The following CACNA1E variants were observed in gnomAD, a reference collection of about 807,000 sequenced individuals.
CACNA1E encodes voltage-dependent R-type calcium channel subunit alpha-1E.
In CACNA1E, 40 loss-of-function variants were observed where a neutral mutation model predicts 259.2. The ratio of observed to expected loss-of-function variants is 0.15; its 90% CI spans 0.12 to 0.20. The LOEUF is 0.20. Ranked by LOEUF, CACNA1E falls within the 10% of genes least tolerant of loss-of-function variation. The pLI is 1.00. For missense variants in CACNA1E, 1,874 were observed against 3,040.1 expected, an observed-to-expected ratio of 0.62 and a Z score of 9.02; for synonymous variants, 1,104 against 1,138.5, an observed-to-expected ratio of 0.97 and a Z score of 0.61.
intron 26 of CACNA1E, among the ~76,000 whole-genome samples, chr1:181,750,757 A>G (rs1657522156): frequency 1.3e-5 from 2 of 152,238 alleles, no homozygotes; most frequent in South Asian, 4.1e-4. Context: ...AAAACATGCC[A>G]AAGTCTCTGG....
chr1:181,343,693 G>T (rs972898729), intron 1 of CACNA1E, among the ~76,000 whole-genome samples: 2 of 152,204 alleles, frequency 1.3e-5, no homozygotes, highest in African/African-American at 4.8e-5. Context: ...TCAAGGAGGC[G>T]ACAGCTTTCT....
At chr1:181,767,600 G>A (rs1659135776) in intron 35 of CACNA1E, among the ~76,000 whole-genome samples, 1 of 152,192 alleles carries the variant, frequency 6.6e-6, no homozygotes. Flanking sequence ...GACCCTTTCT[G>A]AAATGTCTCT....
At chr1:181,462,092 T>A (rs1489337328) in intron 2 of CACNA1E, among the ~76,000 whole-genome samples, 1 of 152,226 alleles carries the variant, frequency 6.6e-6, no homozygotes, top group African/African-American at 2.4e-5. Context: ...CCATGTGATT[T>A]TGAATAATTG....
intron 7 of CACNA1E, among the ~76,000 whole-genome samples, chr1:181,679,736 G>A (rs1467157779): frequency 1.3e-5 from 2 of 152,120 alleles, no homozygotes; most frequent in Non-Finnish European, 2.9e-5. Flanking sequence ...CTGGACAGTG[G>A]CCTGGGAACA....
intron 6 of CACNA1E, among the ~76,000 whole-genome samples, chr1:181,634,561 A>C (rs1408301987): frequency 6.6e-6 from 1 of 152,178 alleles, no homozygotes; most frequent in East Asian, 1.9e-4. Flanking sequence ...GCTTTTACTA[A>C]GTTATTTCCA....
intron 1 of CACNA1E, among the ~76,000 whole-genome samples, chr1:181,406,559 T>A (rs1657479621): frequency 6.6e-6 from 1 of 151,948 alleles, no homozygotes; most frequent in Admixed American, 6.6e-5. Context: ...GCATGCCCGG[T>A]TAATTTTTTT....
In CACNA1E at chr1:181,484,010, C is replaced by T; in HGVS notation, c.266C>T (p.Pro89Leu). Residue 89 changes from proline (P) to leucine (L), a missense_variant and splice_region_variant, in exon 1 of 48, where the codon CCG becomes CTG. Physicochemically the swap from Pro to Leu is moderately conservative, Grantham distance 98. Coordinates refer to ENST00000367573, the MANE Select transcript of CACNA1E (RefSeq NM_001205293.3). ...TATGCCAAGAAGCTCATCGATTGGCCATATCCTTTCTTGCCCACCATAACT... is the reference window on the plus strand; with the variant it reads ...TATGCCAAGAAGCTCATCGATTGGCTATATCCTTTCTTGCCCACCATAACT... Reference protein sequence around the residue: ...RKYAKKLIDWPPFEYMILATI... With the variant: ...RKYAKKLIDWLPFEYMILATI... The T allele has an allele frequency of 6.2e-7, 1 of 1,612,758 alleles. No individual in the cohort carries two copies. Among genetic ancestry groups the T allele is most frequent in the South Asian group, 1.1e-5 (1 of 91,032 alleles).
intron 38 of CACNA1E, among the ~76,000 whole-genome samples, chr1:181,779,772 C>T (rs1039581574): frequency 1.1e-4 from 17 of 151,110 alleles, no homozygotes; most frequent in Non-Finnish European, 2.5e-4. Context: ...CCAGTGTGAT[C>T]GCTCTCTTCA....
At chr1:181,616,423 T>G (rs1422585470) in intron 6 of CACNA1E, among the ~76,000 whole-genome samples, 7 of 152,142 alleles carry the variant, frequency 4.6e-5, no homozygotes, top group African/African-American at 1.7e-4. Flanking sequence ...TTTACCATGT[T>G]GAAAGAATAG....
At chr1:181,596,886 G>A (rs1452438163) in intron 6 of CACNA1E, among the ~76,000 whole-genome samples, 3 of 152,046 alleles carry the variant, frequency 2.0e-5, no homozygotes, top group Non-Finnish European at 4.4e-5. Flanking sequence ...CTTTGCACAG[G>A]GCTGGTTTTG....
At chr1:181,621,740 AC>A (rs1470857531) in intron 6 of CACNA1E, among the ~76,000 whole-genome samples, 1 of 152,150 alleles carries the variant, frequency 6.6e-6, no homozygotes, top group Non-Finnish European at 1.5e-5. Flanking sequence ...TTTTACTACA[AC>A]CCTATGAAAT....
chr1:181,718,442 A>T (rs1241251491), intron 12 of CACNA1E, among the ~76,000 whole-genome samples: 1 of 152,138 alleles, frequency 6.6e-6, no homozygotes, highest in Admixed American at 6.5e-5. Context: ...GTGAGAGTTT[A>T]CAAAGCTACC....
intron 6 of CACNA1E, among the ~76,000 whole-genome samples, chr1:181,649,613 T>C (rs1018906468): frequency 3.3e-5 from 5 of 152,130 alleles, no homozygotes; most frequent in Non-Finnish European, 7.3e-5. Flanking sequence ...TAAATGCCCA[T>C]CAATGACAGA....
chr1:181,758,000 G>A lies in CACNA1E; in HGVS notation c.4383G>A (p.Pro1461=), dbSNP rs761748918. 8.7e-6 allele frequency: 14 copies of A among 1,613,856 alleles called. No individual in the cohort carries two copies. The highest frequency in any genetic ancestry group is 2.2e-5 in the East Asian group (1 of 44,880). ...ISAKPLTRYM[P]QNRHTFQYRV... Reference sequence around the variant, plus strand: ...CCAAACCTCTCACCCGCTACATGCCGCAGAACAGACACACCTTCCAGTACC... The same window carrying A: ...CCAAACCTCTCACCCGCTACATGCCACAGAACAGACACACCTTCCAGTACC... The change falls in exon 31 of 48, where the codon CCG becomes CCA. Residue 1461 remains proline (P), a synonymous_variant. Coordinates refer to ENST00000367573, the MANE Select transcript of CACNA1E (RefSeq NM_001205293.3).
intron 6 of CACNA1E, among the ~76,000 whole-genome samples, chr1:181,594,842 G>T (rs765009588): frequency 4.6e-5 from 7 of 152,166 alleles, no homozygotes; most frequent in Non-Finnish European, 1.0e-4. Context: ...AAGAATTAAA[G>T]AAAAATGTAT....
chr1:181,434,401 T>TG (rs1477505114), intron 2 of CACNA1E, among the ~76,000 whole-genome samples: 1 of 152,014 alleles, frequency 6.6e-6, no homozygotes, highest in Non-Finnish European at 1.5e-5. Flanking sequence ...CCAATTTTTT[T>TG]TTTTTTTAAA....
rs1302615259 is a variant in CACNA1E at position 181,793,535 on chromosome 1, C to A, written c.5899-130C>A. 7.4e-6 allele frequency: 7 copies of A among 946,054 alleles called. No individual in the cohort carries two copies. In the African/African-American group the frequency reaches 1.0e-4, roughly 13 times the overall value. The allele number at this position is 946,054 out of a possible 1,614,324, so 58.6% of individuals were successfully genotyped here. ...ATAAACACACACACACATATACATA[C>A]AACTGAGACCTTAAAGCTGCAAGTC... On this transcript the variant is annotated intron_variant, in intron 44 of 47. Transcript: ENST00000367573.
chr1:181,340,442 T>C (rs2102630334), intron 1 of CACNA1E, among the ~76,000 whole-genome samples: 2 of 152,304 alleles, frequency 1.3e-5, no homozygotes. Context: ...TTCTTCCACA[T>C]GATCTTTAAA....
intron 1 of CACNA1E, among the ~76,000 whole-genome samples, chr1:181,347,519 C>T (rs1283593997): frequency 6.6e-6 from 1 of 152,180 alleles, no homozygotes; most frequent in Non-Finnish European, 1.5e-5. Context: ...GCATCAGGGC[C>T]CCCTCCCTCC....
Sources: gnomAD v4.1 joint callset for allele counts (sites outside exome capture counted in the v4.1 genomes callset) on GRCh38, gnomAD v4.1.1 for gene constraint, MANE v1.5 for transcripts, NCBI Gene and HGNC (gene_info 2026-07-23, HGNC 2026-07-21) for gene names.